Variants in CDH2 observed in about 807,000 individuals in gnomAD.
CDH2 encodes the protein cadherin-2.
A neutral mutation model predicts 92.0 loss-of-function variants in CDH2; 17 were observed. The observed-to-expected ratio is 0.18, with a 90% CI of 0.13 to 0.28. The LOEUF (loss-of-function observed/expected upper bound fraction) is 0.28. Among genes scored for constraint, CDH2 ranks in the 10% least tolerant of loss-of-function variants. The pLI, the probability that CDH2 is intolerant of heterozygous loss-of-function variation, is 1.00. For synonymous variants in CDH2, 419 were observed against 415.9 expected, an observed-to-expected ratio of 1.01 and a Z score of -0.09; for missense variants, 862 against 1,133.1, an observed-to-expected ratio of 0.76 and a Z score of 3.44.
intron 2 of CDH2, among the ~76,000 whole-genome samples, chr18:28,029,909 T>A (rs1226893102): frequency 6.6e-6 from 1 of 152,166 alleles, no homozygotes; most frequent in Non-Finnish European, 1.5e-5. Flanking sequence ...TAATTCTCCC[T>A]GTGTAAATAT....
intron 6 of CDH2, among the ~76,000 whole-genome samples, chr18:27,938,136 T>G (rs1363177515): frequency 1.3e-5 from 2 of 152,058 alleles, no homozygotes; most frequent in Non-Finnish European, 2.9e-5. Context: ...TTCCTTGTGC[T>G]CCGGTCATGT....
At chr18:28,021,988 T>C (rs2013422271) in intron 2 of CDH2, among the ~76,000 whole-genome samples, 1 of 152,098 alleles carries the variant, frequency 6.6e-6, no homozygotes, top group Non-Finnish European at 1.5e-5. Flanking sequence ...TATTAATGAA[T>C]GAGATTTCAA....
chr18:28,150,203 T>C (rs1316268820), intron 1 of CDH2, among the ~76,000 whole-genome samples: 3 of 152,132 alleles, frequency 2.0e-5, no homozygotes, highest in African/African-American at 7.2e-5. Context: ...GCATGGCAGG[T>C]GCTAGCCCAT....
At chr18:28,043,505 TATATATATATA>T (rs2014003831) in intron 2 of CDH2, among the ~76,000 whole-genome samples, 3 of 119,528 alleles carry the variant, frequency 2.5e-5, no homozygotes, top group African/African-American at 9.8e-5. Flanking sequence ...AATATATATA[TATATATATATA>T]AACAGGTTTG....
chr18:28,169,628 A>G (rs1235426973), intron 1 of CDH2, among the ~76,000 whole-genome samples: 1 of 152,218 alleles, frequency 6.6e-6, no homozygotes, highest in Non-Finnish European at 1.5e-5. Context: ...AATTAAAACT[A>G]CAATATATGG....
chr18:27,947,607 C>T (rs369736486), downstream of CDH2, among the ~76,000 whole-genome samples: 10 of 151,420 alleles, frequency 6.6e-5, no homozygotes, highest in East Asian at 1.9e-4. Context: ...ATAGAAGATC[C>T]GGAAACAAAC....
chr18:27,962,064 T>C (rs1036987902), intron 15 of CDH2, among the ~76,000 whole-genome samples: 1 of 152,168 alleles, frequency 6.6e-6, no homozygotes, highest in Non-Finnish European at 1.5e-5. Flanking sequence ...ATGACAAACA[T>C]GAAATTAGAA....
At position 28,124,670 on chromosome 18, in the gene CDH2, G is replaced by A. The variant is rs192225101; in HGVS notation, c.172+23003C>T. Reference sequence around the variant, plus strand: ...AACAATGATTTTGTATTCAACCACTGCATTAATTTTTCTATTTCTTAACTC... The same window carrying A: ...AACAATGATTTTGTATTCAACCACTACATTAATTTTTCTATTTCTTAACTC... On this transcript the variant is annotated intron_variant, in intron 2 of 15. Transcript: ENST00000269141. 3.4e-3 allele frequency among the ~76,000 whole-genome samples: 512 copies of A among 152,232 alleles called. 1 individual carries two copies. The highest frequency in any genetic ancestry group is 0.024 in the Middle Eastern group (7 of 294).
chr18:28,153,709 C>G (rs2016162362), intron 1 of CDH2, among the ~76,000 whole-genome samples: 1 of 152,192 alleles, frequency 6.6e-6, no homozygotes, highest in African/African-American at 2.4e-5. Context: ...AACAAGAGTA[C>G]TAAAGACAGC....
At chr18:28,148,420 C>CT (rs1409169196) in intron 1 of CDH2, among the ~76,000 whole-genome samples, 2 of 152,148 alleles carry the variant, frequency 1.3e-5, no homozygotes, top group East Asian at 1.9e-4. Context: ...AACCAAGTAT[C>CT]TGTCATTTTC....
Position 27,951,968 on chromosome 18 carries a change from T to C in CDH2, c.*185A>G. ...AATTCAAGTGTAACTGAGCTCAGTG[T>C]TTTTCCAAACAGTATGGATCACTGA... On this transcript the variant is annotated 3_prime_UTR_variant, in exon 16 of 16. Transcript: ENST00000269141. 1.7e-6 allele frequency: 1 copy of C among 596,400 alleles called. No homozygotes were observed. The highest frequency in any genetic ancestry group is 3.0e-6 in the Non-Finnish European group (1 of 334,542). The allele number at this position is 596,400 out of a possible 1,614,324, so 36.9% of individuals were successfully genotyped here. A position where few individuals can be genotyped will look rare whatever the true frequency, so the allele number is the denominator to read the frequency against.
intron 11 of CDH2, among the ~76,000 whole-genome samples, chr18:27,987,489 T>C (rs2143961246): frequency 6.6e-6 from 1 of 152,320 alleles, no homozygotes. Context: ...TATGTCTTAT[T>C]TTAGTAATGC....
intron 2 of CDH2, among the ~76,000 whole-genome samples, chr18:28,066,395 T>C (rs2014507561): frequency 6.6e-6 from 1 of 152,194 alleles, no homozygotes; most frequent in South Asian, 2.1e-4. Context: ...TTGCCACCTT[T>C]AGCACAAGAG....
chr18:28,148,935 T>G (rs891535833), intron 1 of CDH2, among the ~76,000 whole-genome samples: 1 of 152,174 alleles, frequency 6.6e-6, no homozygotes, highest in Non-Finnish European at 1.5e-5. Flanking sequence ...TAAATTAAAT[T>G]TAAACAGTAT....
intron 2 of CDH2, among the ~76,000 whole-genome samples, chr18:28,077,485 T>G (rs776897311): frequency 6.6e-6 from 1 of 152,154 alleles, no homozygotes; most frequent in Non-Finnish European, 1.5e-5. Context: ...CAGTGTGGTC[T>G]GAAATCCCAG....
At chr18:28,154,422 T>C (rs536209151) in intron 1 of CDH2, among the ~76,000 whole-genome samples, 1 of 152,344 alleles carries the variant, frequency 6.6e-6, no homozygotes, top group Admixed American at 6.5e-5. Context: ...AGCTCACCTA[T>C]CTTGAGTTTC....
chr18:28,064,746 T>C (rs943316540), intron 2 of CDH2, among the ~76,000 whole-genome samples: 5 of 151,756 alleles, frequency 3.3e-5, no homozygotes, highest in Admixed American at 6.6e-5. Context: ...AGAAAATAAA[T>C]CACCAATGTT....
At chr18:28,039,717 A>G (rs556093040) in intron 2 of CDH2, among the ~76,000 whole-genome samples, 1 of 152,172 alleles carries the variant, frequency 6.6e-6, no homozygotes, top group African/African-American at 2.4e-5. Flanking sequence ...TCTCCTTACC[A>G]CTAATTTGTA....
At position 27,944,935 on chromosome 18, in the gene CDH2, T is replaced by G. The variant is rs1489802533; in HGVS notation, c.1152-11811A>C. ...CTGTCTAAAAAAACTGTAATTCTCA[T>G]GTAGGCTTAGTTTTTGCTAAAACAA... On this transcript the variant is annotated intron_variant, in intron 6 of 6. Coordinates refer to the CDH2 transcript ENST00000675173. 2.6e-5 allele frequency among the ~76,000 whole-genome samples: 4 copies of G among 152,188 alleles called. No individual in the cohort carries two copies. The East Asian group carries it at 5.8e-4, about 22-fold the overall frequency.
Sources: allele counts gnomAD v4.1 joint callset (sites outside exome capture counted in the v4.1 genomes callset), GRCh38; gene constraint gnomAD v4.1.1; transcripts MANE v1.5; gene names NCBI Gene and HGNC (gene_info 2026-07-23, HGNC 2026-07-21).